Variants in DNAH7 observed in about 807,000 individuals in gnomAD.
DNAH7 encodes dynein axonemal heavy chain 7.
DNAH7 carries 397 observed loss-of-function variants against 444.6 expected under a neutral mutation model. That is an observed-to-expected ratio of 0.89 (90% CI 0.82 to 0.97). The LOEUF (loss-of-function observed/expected upper bound fraction) is 0.97, where lower values mean the gene tolerates loss of function less well. Ranked by LOEUF, DNAH7 falls within the 50% of genes least tolerant of loss-of-function variation. The probability of loss-of-function intolerance (pLI) is 0.00; values close to 1 mark genes in which losing one functional copy is unlikely to be tolerated. For missense variants in DNAH7, 4,902 were observed against 4,800.8 expected, an observed-to-expected ratio of 1.02 and a Z score of -0.62; for synonymous variants, 1,636 against 1,624.4, an observed-to-expected ratio of 1.01 and a Z score of -0.17.
intron 63 of DNAH7, among the ~76,000 whole-genome samples, chr2:195,751,343 C>A (rs1462406406): frequency 6.6e-6 from 1 of 152,054 alleles, no homozygotes; most frequent in Admixed American, 6.6e-5. Flanking sequence ...GTATCTTTAA[C>A]AGGTTGGGTT....
chr2:195,843,226 T>C (rs1191189013), intron 47 of DNAH7, among the ~76,000 whole-genome samples: 3 of 152,192 alleles, frequency 2.0e-5, no homozygotes, highest in Admixed American at 1.3e-4. Context: ...GTTAAGTAAT[T>C]CAACAACGAG....
chr2:195,807,212 A>C lies in DNAH7; in HGVS notation c.10084-380T>G, dbSNP rs140853820. ...TGCTCTGTCGCCCAGGCTGGAGTAC[A>C]GTGGTGTGATCTTGGCTCACTGCAA... is the stretch of plus-strand genomic sequence containing the variant. On this transcript the variant is annotated intron_variant, in intron 53 of 64. Coordinates refer to ENST00000312428, the MANE Select transcript of DNAH7 (RefSeq NM_018897.3). Among the ~76,000 whole-genome samples the C allele has an allele frequency of 6.8e-3, 1,023 of 151,454 alleles. 7 individuals are homozygous for C. Among genetic ancestry groups the C allele is most frequent in the African/African-American group, 0.023 (968 of 41,210 alleles).
At chr2:195,813,893 G>C (rs6737328) in intron 51 of DNAH7, among the ~76,000 whole-genome samples, 107,410 of 152,148 alleles carry the variant, frequency 0.71, 38,644 homozygotes, top group Non-Finnish European at 0.75. Flanking sequence ...CTGCACTAGA[G>C]AAAACAATGT....
rs191322432 is a variant in DNAH7 at position 195,857,668 on chromosome 2, A to G, written c.8123T>C (p.Met2708Thr). ...TCCTTTCAAGATGCATATAGCTTCC[A>G]TAACAAGCTTGACACCAGCAGGAGG... Reference protein sequence around the residue: ...KSPPAGVKLVMEAICILKGIK... With the variant: ...KSPPAGVKLVTEAICILKGIK... The change falls in exon 44 of 65, where the codon ATG becomes ACG. Residue 2708 changes from methionine (M) to threonine (T), a missense_variant. Transcript: ENST00000312428. 2 of 1,613,354 alleles carry G rather than the reference A, an allele frequency of 1.2e-6. No individual in the cohort carries two copies. The highest frequency in any genetic ancestry group is 2.7e-5 in the African/African-American group (2 of 75,002).
At chr2:195,760,939 A>C (rs1455522260) in intron 61 of DNAH7, among the ~76,000 whole-genome samples, 1 of 152,126 alleles carries the variant, frequency 6.6e-6, no homozygotes, top group Non-Finnish European at 1.5e-5. Flanking sequence ...CTGGGTAGCA[A>C]AAAATAAAAT....
At chr2:195,881,410 A>C (rs948307968) in intron 36 of DNAH7, among the ~76,000 whole-genome samples, 13 of 152,240 alleles carry the variant, frequency 8.5e-5, no homozygotes, top group Non-Finnish European at 1.6e-4. Flanking sequence ...ATTAAGGAAA[A>C]TCAGTCTTGT....
intron 2 of DNAH7, among the ~76,000 whole-genome samples, chr2:196,052,821 G>A (rs975500669): frequency 2.0e-5 from 3 of 152,178 alleles, no homozygotes; most frequent in East Asian, 1.9e-4. Flanking sequence ...GTCAGAGGGC[G>A]CATCAAGAAT....
chr2:195,817,933 T>C lies in DNAH7; in HGVS notation c.9292-104A>G, dbSNP rs539977063. On this transcript the variant is annotated intron_variant, in intron 49 of 64. Coordinates refer to ENST00000312428, the MANE Select transcript of DNAH7 (RefSeq NM_018897.3). ...CTTAAAATAGACTCTATTTACTATA[T>C]ATGGTAGTACTTGTGAAGGTGTAAT... is the stretch of plus-strand genomic sequence containing the variant. 184 of 766,388 alleles carry C rather than the reference T, an allele frequency of 2.4e-4. 2 individuals are homozygous for C. In the South Asian group the frequency reaches 3.7e-3, roughly 16 times the overall value. 47.5% of individuals were successfully genotyped at this position (766,388 alleles called of 1,614,324 possible).
At chr2:195,767,958 T>G (rs1390913135) in intron 61 of DNAH7, among the ~76,000 whole-genome samples, 1 of 151,776 alleles carries the variant, frequency 6.6e-6, no homozygotes, top group Non-Finnish European at 1.5e-5. Context: ...AGAACTGGAA[T>G]GATTGAAAAA....
In DNAH7 at chr2:195,969,944, A is replaced by G. The variant is rs1353976360; in HGVS notation, c.2205+4T>C. ...TCATCTTTTTAAGAATTTTTGAATT[A>G]TACCTTATCTGCAGCTAAATCCAAC... On this transcript the variant is annotated splice_donor_region_variant and intron_variant, in intron 17 of 64. Coordinates refer to ENST00000312428, the MANE Select transcript of DNAH7 (RefSeq NM_018897.3). 1.2e-6 allele frequency: 2 copies of G among 1,601,094 alleles called. No individual in the cohort carries two copies. Among genetic ancestry groups the G allele is most frequent in the Non-Finnish European group, 1.7e-6 (2 of 1,176,880 alleles).
In DNAH7 at chr2:195,738,116, C is replaced by G. The variant is rs1488165558; in HGVS notation, c.11880G>C (p.Lys3960Asn). Reference sequence around the variant, plus strand: ...TTGGTATATCTGCCCTCTTACAGGGCTTTAGCCACATCTGGAAGAAAGTAC... The same window carrying G: ...TTGGTATATCTGCCCTCTTACAGGGGTTTAGCCACATCTGGAAGAAAGTAC... ...LYDTVPVMWL[K>N]PCKRADIPKR... Residue 3960 changes from lysine (K) to asparagine (N), a missense_variant, in exon 65 of 65, where the codon AAG becomes AAC. Physicochemically the swap from Lys to Asn is moderately conservative, Grantham distance 94. Transcript: ENST00000312428. 1.2e-6 allele frequency: 2 copies of G among 1,613,712 alleles called. No individual in the cohort carries two copies. Among genetic ancestry groups the G allele is most frequent in the Admixed American group, 3.3e-5 (2 of 59,998 alleles).
intron 61 of DNAH7, among the ~76,000 whole-genome samples, chr2:195,768,180 T>TATATATATCTTTTATATATATATTATAA (rs1311468612): frequency 1.0e-4 from 15 of 147,836 alleles, no homozygotes; most frequent in East Asian, 3.9e-4. Context: ...ATATCTTTAA[T>TATATATATCTTTTATATATATATTATAA]ATATATATCT....
chr2:196,013,956 C>T (rs530250726), intron 9 of DNAH7, among the ~76,000 whole-genome samples: 1 of 152,278 alleles, frequency 6.6e-6, no homozygotes, highest in Non-Finnish European at 1.5e-5. Flanking sequence ...ATTCACCTTG[C>T]CATTGAGCCA....
chr2:195,877,149 G>A (rs1389415724), intron 36 of DNAH7, among the ~76,000 whole-genome samples: 1 of 152,178 alleles, frequency 6.6e-6, no homozygotes, highest in Non-Finnish European at 1.5e-5. Flanking sequence ...CTGGAAACCA[G>A]GTGGAATTAC....
chr2:195,777,761 T>A, intron 59 of DNAH7, 39 bp downstream of exon 59: 1 of 1,555,714 alleles, frequency 6.4e-7, no homozygotes, highest in South Asian at 1.2e-5. Context: ...AATAATTTCA[T>A]GTCTTACTGC....
At chr2:195,871,018 G>T (rs1369628479) in intron 40 of DNAH7, among the ~76,000 whole-genome samples, 1 of 152,114 alleles carries the variant, frequency 6.6e-6, no homozygotes, top group Non-Finnish European at 1.5e-5. Flanking sequence ...CCTGGGAAGT[G>T]GGTCCCATTC....
At position 195,957,462 on chromosome 2, in the gene DNAH7, A is replaced by C. The variant is rs369055724; in HGVS notation, c.2892-15T>G. ...CCTCCCATTCTCTGAGGAGCAAAAC[A>C]CAGTGGCTCTTACTGACAGCAAACC... On this transcript the variant is annotated splice_polypyrimidine_tract_variant and intron_variant, in intron 18 of 64. Coordinates refer to ENST00000312428, the MANE Select transcript of DNAH7 (RefSeq NM_018897.3). 1.5e-5 allele frequency: 22 copies of C among 1,500,612 alleles called. No individual in the cohort carries two copies. In the African/African-American group the frequency reaches 2.9e-4, roughly 20 times the overall value. The allele number at this position is 1,500,612 out of a possible 1,614,324, so 93.0% of individuals were successfully genotyped here.
At chr2:195,833,422 G>A (rs1283166881) in intron 48 of DNAH7, among the ~76,000 whole-genome samples, 1 of 152,132 alleles carries the variant, frequency 6.6e-6, no homozygotes. Context: ...AGACTACCTG[G>A]AATATTTATT....
At chr2:195,778,639 A>AAAAAAAAT (rs1559089662) in intron 58 of DNAH7, among the ~76,000 whole-genome samples, 4 of 51,712 alleles carry the variant, frequency 7.7e-5, no homozygotes, top group Non-Finnish European at 1.0e-4. Context: ...AAAATAAATA[A>AAAAAAAAT]ATAAATATAT....
Sources: allele counts gnomAD v4.1 joint callset (sites outside exome capture counted in the v4.1 genomes callset), GRCh38; gene constraint gnomAD v4.1.1; transcripts MANE v1.5; gene names NCBI Gene and HGNC (gene_info 2026-07-23, HGNC 2026-07-21).